LINGO2: variants seen among roughly 807,000 people sequenced by gnomAD.
LINGO2 encodes the protein leucine-rich repeat and immunoglobulin-like domain-containing nogo receptor-interacting protein 2.
In LINGO2, 14 loss-of-function variants were observed where a neutral mutation model predicts 30.6. That is an observed-to-expected ratio of 0.46 (90% CI 0.30 to 0.72). The LOEUF is 0.72. Ranked by LOEUF, LINGO2 falls within the 30% of genes least tolerant of loss-of-function variation. LINGO2 has a pLI of 0.07. For synonymous variants in LINGO2, 317 were observed against 288.5 expected, an observed-to-expected ratio of 1.10 and a Z score of -1.00; for missense variants, 729 against 751.7, an observed-to-expected ratio of 0.97 and a Z score of 0.35.
At chr9:28,848,253 C>CT in the LINGO2 span, among the ~76,000 whole-genome samples, 6 of 101,616 alleles carry the variant, frequency 5.9e-5, no homozygotes, top group African/African-American at 2.7e-4. Flanking sequence ...TATATATACG[C>CT]ATATATAGTG....
intron 2 of LINGO2, among the ~76,000 whole-genome samples, chr9:28,387,595 C>T (rs72711449): frequency 0.024 from 3,583 of 152,306 alleles, 67 homozygotes; most frequent in Middle Eastern, 0.044. Context: ...ACACTCACTA[C>T]GAAGGTCTGC....
chr9:29,188,175 G>A, the LINGO2 span, among the ~76,000 whole-genome samples: 63 of 151,856 alleles, frequency 4.1e-4, no homozygotes, highest in Non-Finnish European at 1.6e-4. Flanking sequence ...GCCTTCCGCA[G>A]TGTTTGTGTC....
intron 2 of LINGO2, among the ~76,000 whole-genome samples, chr9:28,411,408 A>ACATTCATGTACATTCATGTATACAAT (rs1246463460): frequency 8.5e-5 from 13 of 152,124 alleles, no homozygotes; most frequent in African/African-American, 2.7e-4. Flanking sequence ...ATTCAGTGGT[A>ACATTCATGTACATTCATGTATACAAT]TCATGTACAT....
the LINGO2 span, among the ~76,000 whole-genome samples, chr9:29,127,932 G>A: frequency 6.6e-6 from 1 of 152,048 alleles, no homozygotes; most frequent in African/African-American, 2.4e-5. Flanking sequence ...TGTCTCTTAA[G>A]CGATTTGACC....
the LINGO2 span, among the ~76,000 whole-genome samples, chr9:29,062,084 T>A: frequency 6.6e-6 from 1 of 152,108 alleles, no homozygotes; most frequent in African/African-American, 2.4e-5. Context: ...ACATCTCTAA[T>A]CACTTAGGGA....
intron 1 of LINGO2, among the ~76,000 whole-genome samples, chr9:28,633,698 A>G (rs753405146): frequency 3.3e-5 from 5 of 152,310 alleles, no homozygotes; most frequent in Admixed American, 6.5e-5. Flanking sequence ...GGATCACAGT[A>G]CTGTGACGCT....
chr9:27,968,439 A>G (rs1484626273), intron 5 of LINGO2, among the ~76,000 whole-genome samples: 3 of 152,076 alleles, frequency 2.0e-5, no homozygotes, highest in African/African-American at 7.2e-5. Context: ...AAAGATATTA[A>G]GTGAAAAAAT....
In LINGO2 at chr9:28,622,142, G is replaced by A. The variant is rs150583310; in HGVS notation, c.-365+48058C>T. Among the ~76,000 whole-genome samples, 346 of 152,022 alleles carry A rather than the reference G, an allele frequency of 2.3e-3. 3 individuals carry two copies. Among genetic ancestry groups the A allele is most frequent in the Non-Finnish European group, 3.9e-3 (262 of 67,916 alleles). ...ATGAGGTATCCATCCTCTCAACTGT[G>A]TTACAAACAACCCAGTTATATTATT... On this transcript the variant is annotated intron_variant, in intron 1 of 5. Transcript: ENST00000379992.
chr9:28,899,121 C>T, the LINGO2 span, among the ~76,000 whole-genome samples: 3 of 152,256 alleles, frequency 2.0e-5, no homozygotes, highest in Non-Finnish European at 4.4e-5. Flanking sequence ...CTGGGTATAT[C>T]ACAAAAATTT....
chr9:28,696,671 T>C, the LINGO2 span, among the ~76,000 whole-genome samples: 2 of 151,872 alleles, frequency 1.3e-5, no homozygotes, highest in African/African-American at 4.8e-5. Context: ...TAAGAATCCA[T>C]GCATAGTCAG....
the LINGO2 span, among the ~76,000 whole-genome samples, chr9:28,816,610 T>A: frequency 2.0e-5 from 3 of 152,144 alleles, no homozygotes; most frequent in Non-Finnish European, 4.4e-5. Flanking sequence ...GGTCTGTGTC[T>A]CTACTAATTT....
intron 4 of LINGO2, among the ~76,000 whole-genome samples, chr9:28,067,312 T>G (rs917217851): frequency 6.6e-6 from 1 of 152,146 alleles, no homozygotes; most frequent in African/African-American, 2.4e-5. Flanking sequence ...AATAATAATA[T>G]TGCATATTTA....
intron 4 of LINGO2, among the ~76,000 whole-genome samples, chr9:28,189,441 G>A (rs867610192): frequency 1.5e-4 from 5 of 34,098 alleles, no homozygotes; most frequent in Non-Finnish European, 1.6e-4. Flanking sequence ...GGAAGGAAGG[G>A]AGGGAGGAAG....
chr9:28,535,417 A>T (rs1437473501), intron 1 of LINGO2, among the ~76,000 whole-genome samples: 1 of 152,174 alleles, frequency 6.6e-6, no homozygotes, highest in Non-Finnish European at 1.5e-5. Context: ...AACAAACAAC[A>T]AAATGGTATG....
the LINGO2 span, among the ~76,000 whole-genome samples, chr9:29,164,909 T>C: frequency 6.6e-6 from 1 of 152,136 alleles, no homozygotes; most frequent in South Asian, 2.1e-4. Flanking sequence ...TAGTAGGGTA[T>C]TTTAATCAAT....
intron 2 of LINGO2, among the ~76,000 whole-genome samples, chr9:28,463,874 T>TA (rs1392559474): frequency 2.0e-5 from 3 of 152,176 alleles, no homozygotes; most frequent in African/African-American, 7.2e-5. Flanking sequence ...AAGCACCTTG[T>TA]ATTCACTCCT....
intron 2 of LINGO2, among the ~76,000 whole-genome samples, chr9:28,425,009 C>T (rs1209926704): frequency 6.6e-6 from 1 of 151,864 alleles, no homozygotes; most frequent in Non-Finnish European, 1.5e-5. Context: ...AATAATATAA[C>T]ATATTTAATG....
intron 3 of LINGO2, among the ~76,000 whole-genome samples, chr9:28,355,711 G>A (rs1336550713): frequency 1.3e-5 from 2 of 152,048 alleles, no homozygotes; most frequent in Admixed American, 6.6e-5. Flanking sequence ...GTGAAGGATC[G>A]AAACCCTAGG....
chr9:28,165,427 A>G (rs1364987142), intron 4 of LINGO2, among the ~76,000 whole-genome samples: 1 of 151,904 alleles, frequency 6.6e-6, no homozygotes, highest in Non-Finnish European at 1.5e-5. Flanking sequence ...TCCACTAATC[A>G]CTCCCAGGTT....
Sources: gnomAD v4.1 joint callset for allele counts (sites outside exome capture counted in the v4.1 genomes callset) on GRCh38, gnomAD v4.1.1 for gene constraint, MANE v1.5 for transcripts, NCBI Gene and HGNC (gene_info 2026-07-23, HGNC 2026-07-21) for gene names.